WDR20: variants seen among roughly 807,000 people sequenced by gnomAD.
The protein encoded by WDR20 is WD repeat-containing protein 20.
WDR20 carries 3 observed loss-of-function variants against 38.7 expected under a neutral mutation model. The observed-to-expected ratio is 0.08, with a 90% CI of 0.04 to 0.20. The LOEUF is 0.20. Among genes scored for constraint, WDR20 ranks in the 10% least tolerant of loss-of-function variants. The pLI is 1.00. For synonymous variants in WDR20, 298 were observed against 285.6 expected (o/e 1.04, Z -0.44); for missense variants, 559 against 727.7 (o/e 0.77, Z 2.67).
chr14:102,195,216 C>A lies in WDR20; in HGVS notation c.432+96C>A, dbSNP rs920091084. ...GCCTTATTTTGCACTTCAAGCTAAG[C>A]CCATTTTTTATTCGCCCAGCCCTCC... On this transcript the variant is annotated intron_variant, in intron 2 of 2. Transcript: ENST00000342702. The A allele has an allele frequency of 1.7e-5, 24 of 1,396,936 alleles. No individual in the cohort carries two copies. The African/African-American group carries it at 3.2e-4, about 18-fold the overall frequency. 86.5% of individuals were successfully genotyped at this position (1,396,936 alleles called of 1,614,324 possible).
intron 1 of WDR20, among the ~76,000 whole-genome samples, chr14:102,160,444 C>G (rs1229456315): frequency 6.6e-6 from 1 of 151,984 alleles, no homozygotes; most frequent in East Asian, 1.9e-4. Flanking sequence ...AACATTTGAG[C>G]AGAGATGGGA....
Position 102,195,032 on chromosome 14 carries a change from G to C in WDR20, c.344G>C (p.Ser115Thr). ...AACCACCTAACAGCCACAGCAGAAAGTGTCTCTCTCCTAGTGGGCTTTTCC... is the reference window on the plus strand; with the variant it reads ...AACCACCTAACAGCCACAGCAGAAACTGTCTCTCTCCTAGTGGGCTTTTCC... Reference protein sequence around the residue: ...DFNHLTATAESVSLLVGFSAG... With the variant: ...DFNHLTATAETVSLLVGFSAG... The change falls in exon 2 of 3, where the codon AGT becomes ACT. Residue 115 changes from serine to threonine, a missense_variant. Coordinates refer to ENST00000342702, the MANE Select transcript of WDR20 (RefSeq NM_144574.4). 6.2e-7 allele frequency: 1 copy of C among 1,614,218 alleles called. No individual in the cohort carries two copies. Among genetic ancestry groups the C allele is most frequent in the South Asian group, 1.1e-5 (1 of 91,084 alleles).
chr14:102,167,690 A>G (rs958574571), intron 1 of WDR20: 1 of 152,174 alleles, frequency 6.6e-6, no homozygotes, highest in Non-Finnish European at 1.5e-5. Context: ...GTTACCGTCT[A>G]CCAAGTCGCC....
chr14:102,200,364 C>T (rs1159574458), intron 2 of WDR20, among the ~76,000 whole-genome samples: 2 of 152,150 alleles, frequency 1.3e-5, no homozygotes, highest in African/African-American at 2.4e-5. Flanking sequence ...AGCGTGTCCT[C>T]ATCATCAGAG....
intron 1 of WDR20, among the ~76,000 whole-genome samples, chr14:102,148,546 A>G (rs1469990902): frequency 6.6e-6 from 1 of 152,116 alleles, no homozygotes; most frequent in East Asian, 1.9e-4. Context: ...GTCTCAAAAA[A>G]AAAAAAAAAT....
At position 102,176,583 on chromosome 14, in the gene WDR20, G is replaced by A. The variant is rs545470602; in HGVS notation, c.250-18355G>A. Among the ~76,000 whole-genome samples, 42 of 151,990 alleles carry A rather than the reference G, an allele frequency of 2.8e-4. 1 individual carries two copies. The highest frequency in any genetic ancestry group is 3.5e-4 in the Non-Finnish European group (24 of 68,004). On this transcript the variant is annotated intron_variant, in intron 1 of 2. Transcript: ENST00000342702. ...GCTGAGGATTTTTACATCTCCGTTCGTCAGGGATATTGGTCTGTAGTTTTC... is the reference window on the plus strand; with the variant it reads ...GCTGAGGATTTTTACATCTCCGTTCATCAGGGATATTGGTCTGTAGTTTTC...
At chr14:102,205,141 A>C (rs1310792449) in intron 2 of WDR20, among the ~76,000 whole-genome samples, 1 of 152,102 alleles carries the variant, frequency 6.6e-6, no homozygotes, top group Non-Finnish European at 1.5e-5. Context: ...CACCTGAAGC[A>C]CCAGCTATAC....
downstream of WDR20, chr14:102,214,950 G>A (rs1162901255): frequency 2.0e-6 from 2 of 984,926 alleles, no homozygotes; most frequent in Non-Finnish European, 2.4e-6. Flanking sequence ...CTGAAGTACT[G>A]TGGGGCTGTC....
At chr14:102,152,311 C>T (rs977502032) in intron 1 of WDR20, among the ~76,000 whole-genome samples, 13 of 151,940 alleles carry the variant, frequency 8.6e-5, no homozygotes, top group African/African-American at 3.1e-4. Context: ...TAAGAGATCA[C>T]ATAATAATAG....
Position 102,165,254 on chromosome 14 carries a change from C to T in WDR20, c.249+25082C>T, listed in dbSNP as rs1421963248. Among the ~76,000 whole-genome samples, 3 of 152,186 alleles carry T rather than the reference C, an allele frequency of 2.0e-5. No individual in the cohort carries two copies. In the East Asian group the frequency reaches 5.8e-4, roughly 29 times the overall value. Reference sequence around the variant, plus strand: ...CCTGTGCACTGTCATTTTTCTGCTGCTGCTTGGGTGGCTGCTGGGTTCAGT... The same window carrying T: ...CCTGTGCACTGTCATTTTTCTGCTGTTGCTTGGGTGGCTGCTGGGTTCAGT... On this transcript the variant is annotated intron_variant, in intron 1 of 2. Transcript: ENST00000342702.
chr14:102,145,743 C>G (rs1253654014), intron 1 of WDR20, among the ~76,000 whole-genome samples: 2 of 151,582 alleles, frequency 1.3e-5, no homozygotes, highest in Non-Finnish European at 2.9e-5. Flanking sequence ...TGCACTCCAG[C>G]CCGGGCAAGA....
Position 102,208,815 on chromosome 14 carries a change from G to C in WDR20, c.645G>C (p.Lys215Asn). 1 of 1,614,262 alleles carries C rather than the reference G, an allele frequency of 6.2e-7. No individual in the cohort carries two copies. ...KSKSTRNPLLKWTVGEGALNE... is the reference protein window; with the variant it reads ...KSKSTRNPLLNWTVGEGALNE... ...AATCCACGAGGAACCCTCTCCTTAA[G>C]TGGACGGTGGGCGAGGGGGCCCTCA... Residue 215 changes from lysine to asparagine, a missense_variant, in exon 3 of 3, where the codon AAG (lysine) becomes AAC (asparagine). Coordinates refer to ENST00000342702, the MANE Select transcript of WDR20 (RefSeq NM_144574.4). The surrounding 1 kb of genome is among the most constrained non-coding windows in gnomAD (Gnocchi z 5.6).
At chr14:102,171,038 T>A (rs2060699709) in intron 1 of WDR20, among the ~76,000 whole-genome samples, 1 of 152,144 alleles carries the variant, frequency 6.6e-6, no homozygotes, top group East Asian at 1.9e-4. Context: ...CTCAGCTCAC[T>A]GCAACCTCTG....
chr14:102,184,288 G>A lies in WDR20; in HGVS notation c.250-10650G>A, dbSNP rs80327876. Reference sequence around the variant, plus strand: ...CTTGCGATAGGAGATCTAACCTTCCGTGGAGTACAGCATCAGAGAATGAAG... The same window carrying A: ...CTTGCGATAGGAGATCTAACCTTCCATGGAGTACAGCATCAGAGAATGAAG... On this transcript the variant is annotated intron_variant, in intron 1 of 2. Coordinates refer to ENST00000342702, the MANE Select transcript of WDR20 (RefSeq NM_144574.4). Among the ~76,000 whole-genome samples the A allele has an allele frequency of 4.6e-3, 694 of 152,304 alleles. 6 individuals carry two copies. Among genetic ancestry groups the A allele is most frequent in the African/African-American group, 0.015 (644 of 41,570 alleles).
chr14:102,199,472 C>A (rs1379474421), intron 2 of WDR20, among the ~76,000 whole-genome samples: 2 of 151,994 alleles, frequency 1.3e-5, no homozygotes, highest in Non-Finnish European at 2.9e-5. Context: ...TTTTTTAGGA[C>A]AAGCAGGTAG....
At chr14:102,198,362 C>A in intron 2 of WDR20, 1 of 265,980 alleles carries the variant, frequency 3.8e-6, no homozygotes. Flanking sequence ...AAGTGATCCA[C>A]CCACCTCAGC....
chr14:102,163,627 CAAAAAAAAA>C (rs58628061), intron 1 of WDR20, among the ~76,000 whole-genome samples: 1 of 62,834 alleles, frequency 1.6e-5, no homozygotes, highest in Non-Finnish European at 2.6e-5. Flanking sequence ...GACTCTGTCT[CAAAAAAAAA>C]AAAAAAAAAA....
chr14:102,149,177 C>CA (rs2054832569), intron 1 of WDR20, among the ~76,000 whole-genome samples: 1 of 151,932 alleles, frequency 6.6e-6, no homozygotes. Context: ...AACAAACAAA[C>CA]AAAAAATACA....
intron 2 of WDR20, among the ~76,000 whole-genome samples, chr14:102,206,492 G>A (rs1042898830): frequency 1.3e-5 from 2 of 152,104 alleles, no homozygotes; most frequent in African/African-American, 4.8e-5. Context: ...ACTCCTAACC[G>A]TGCTGCTAGA....
Sources: allele counts gnomAD v4.1 joint callset (sites outside exome capture counted in the v4.1 genomes callset), GRCh38; gene constraint gnomAD v4.1.1; non-coding constraint Gnocchi (gnomAD v3.1); transcripts MANE v1.5; gene names NCBI Gene and HGNC (gene_info 2026-07-23, HGNC 2026-07-21).